Variants in MAN1C1 observed in about 807,000 individuals in gnomAD.
The protein encoded by MAN1C1 is mannosyl-oligosaccharide 1,2-alpha-mannosidase IC.
A neutral mutation model predicts 71.5 loss-of-function variants in MAN1C1; 49 were observed. That is an observed-to-expected ratio of 0.69 (90% CI 0.54 to 0.87). MAN1C1 has a LOEUF of 0.87. Ranked by LOEUF, MAN1C1 falls within the 40% of genes least tolerant of loss-of-function variation. MAN1C1 has a pLI of 0.00. For synonymous variants in MAN1C1, 352 were observed against 343.7 expected (o/e 1.02, Z -0.27); for missense variants, 743 against 835.0 (o/e 0.89, Z 1.36).
At chr1:25,643,471 G>C (rs185163299) in intron 1 of MAN1C1, among the ~76,000 whole-genome samples, 1,449 of 129,042 alleles carry the variant, frequency 0.011, 25 homozygotes, top group African/African-American at 0.04. Flanking sequence ...GGATTTCACT[G>C]TGTTGGCCAG....
intron 1 of MAN1C1, among the ~76,000 whole-genome samples, chr1:25,670,265 C>T (rs1489145576): frequency 6.6e-6 from 1 of 152,242 alleles, no homozygotes; most frequent in African/African-American, 2.4e-5. Flanking sequence ...AGTATCACCT[C>T]CCTGGGAAAC....
At chr1:25,696,034 A>C (rs890667751) in intron 2 of MAN1C1, among the ~76,000 whole-genome samples, 2 of 152,168 alleles carry the variant, frequency 1.3e-5, no homozygotes, top group African/African-American at 4.8e-5. Context: ...GAGAGGAGTG[A>C]GTCAGGGTGT....
At chr1:25,750,626 A>G (rs773794856) in intron 4 of MAN1C1, among the ~76,000 whole-genome samples, 4 of 152,118 alleles carry the variant, frequency 2.6e-5, no homozygotes, top group South Asian at 2.1e-4. Context: ...TATCTCTCCA[A>G]TTGCTCCAGG....
chr1:25,696,351 G>A (rs1172434732), intron 2 of MAN1C1, among the ~76,000 whole-genome samples: 2 of 151,268 alleles, frequency 1.3e-5, no homozygotes, highest in East Asian at 4.0e-4. Context: ...TGAGAGGGCC[G>A]GGACTACCTG....
At chr1:25,648,154 G>A (rs1285093482) in intron 1 of MAN1C1, among the ~76,000 whole-genome samples, 1 of 152,238 alleles carries the variant, frequency 6.6e-6, no homozygotes, top group Non-Finnish European at 1.5e-5. Context: ...GGGTTTAGCA[G>A]TGCTACCATC....
intron 1 of MAN1C1, among the ~76,000 whole-genome samples, chr1:25,649,793 A>G (rs2045666186): frequency 6.6e-6 from 1 of 152,042 alleles, no homozygotes; most frequent in East Asian, 1.9e-4. Context: ...GTGTGCCACC[A>G]TGCCTGGCTA....
At chr1:25,699,988 G>A (rs1264091745) in intron 2 of MAN1C1, among the ~76,000 whole-genome samples, 3 of 152,176 alleles carry the variant, frequency 2.0e-5, no homozygotes, top group Admixed American at 6.5e-5. Flanking sequence ...AGGAATTGTT[G>A]AAAAATTCTG....
At chr1:25,751,474 G>A (rs1299363209) in intron 4 of MAN1C1, among the ~76,000 whole-genome samples, 3 of 152,172 alleles carry the variant, frequency 2.0e-5, no homozygotes, top group Non-Finnish European at 4.4e-5. Flanking sequence ...CAGCTTTCCA[G>A]AACATAGACC....
At chr1:25,739,035 C>T (rs2047021299) in intron 2 of MAN1C1, among the ~76,000 whole-genome samples, 1 of 152,066 alleles carries the variant, frequency 6.6e-6, no homozygotes, top group African/African-American at 2.4e-5. Flanking sequence ...CATGGTGGTG[C>T]ACTCCTGTAG....
intron 4 of MAN1C1, among the ~76,000 whole-genome samples, chr1:25,751,203 T>G (rs115217004): frequency 0.025 from 3,804 of 149,256 alleles, 69 homozygotes; most frequent in Middle Eastern, 0.057. Flanking sequence ...TTCCTTCCAT[T>G]CGTCTTTCCT....
Position 25,783,770 on chromosome 1 carries a change from G to A in MAN1C1, c.1874G>A (p.Arg625Lys), listed in dbSNP as rs753320631. The A allele has an allele frequency of 6.2e-7, 1 of 1,611,852 alleles. No individual in the cohort carries two copies. Among genetic ancestry groups the A allele is most frequent in the Admixed American group, 1.7e-5 (1 of 60,036 alleles). ...GTGAACCACTCAGACAGCTCCGGCA[G>A]AGCCTGGGGCAGACACTGACCCCAT... ...LPVNHSDSSG[R>K]AWGRH Residue 625 changes from arginine (R) to lysine (K), a missense_variant, in exon 12 of 12, where the codon AGA becomes AAA. Arg to Lys is a conservative substitution (Grantham distance 26). Transcript: ENST00000374332.
At chr1:25,678,561 CT>C (rs1429998984) in intron 1 of MAN1C1, among the ~76,000 whole-genome samples, 2 of 152,178 alleles carry the variant, frequency 1.3e-5, no homozygotes, top group Non-Finnish European at 2.9e-5. Context: ...ATATTAATAA[CT>C]TTAAAAGTTT....
At chr1:25,766,256 G>T (rs984500680) in intron 7 of MAN1C1, among the ~76,000 whole-genome samples, 9 of 152,100 alleles carry the variant, frequency 5.9e-5, no homozygotes, top group Admixed American at 1.3e-4. Flanking sequence ...AGCAGAGGGG[G>T]TTATAATGCC....
intron 5 of MAN1C1, among the ~76,000 whole-genome samples, chr1:25,756,958 C>T (rs2047294156): frequency 6.6e-6 from 1 of 152,106 alleles, no homozygotes; most frequent in Non-Finnish European, 1.5e-5. Context: ...CCCCCACTGT[C>T]CCCTGCCCCA....
At chr1:25,678,044 A>G (rs2046094554) in intron 1 of MAN1C1, among the ~76,000 whole-genome samples, 1 of 152,026 alleles carries the variant, frequency 6.6e-6, no homozygotes, top group South Asian at 2.1e-4. Flanking sequence ...TTCAGAAAAT[A>G]TAGGTCAATA....
chr1:25,743,922 G>C (rs1375067780), intron 2 of MAN1C1, among the ~76,000 whole-genome samples: 1 of 152,226 alleles, frequency 6.6e-6, no homozygotes, highest in African/African-American at 2.4e-5. Flanking sequence ...TGTTTTCACA[G>C]AGAATTGAGC....
chr1:25,618,737 A>G (rs1485879637), intron 1 of MAN1C1, among the ~76,000 whole-genome samples: 1 of 152,110 alleles, frequency 6.6e-6, no homozygotes, highest in African/African-American at 2.4e-5. Context: ...ACACAGAGCC[A>G]CTGGTCCCAT....
chr1:25,686,527 A>G lies in MAN1C1; in HGVS notation c.628A>G (p.Asn210Asp). 6.2e-7 allele frequency: 1 copy of G among 1,614,086 alleles called. No individual in the cohort carries two copies. Among genetic ancestry groups the G allele is most frequent in the South Asian group, 1.1e-5 (1 of 91,076 alleles). ...RPLTKDGYEG[N>D]MFGGLSGATV... Reference sequence around the variant, plus strand: ...ACTAACAAAAGATGGCTACGAGGGTAACATGTTCGGTGAGTCGATTCAAAC... The same window carrying G: ...ACTAACAAAAGATGGCTACGAGGGTGACATGTTCGGTGAGTCGATTCAAAC... Residue 210 changes from asparagine to aspartate, a missense_variant, in exon 2 of 12, where the codon AAC (asparagine) becomes GAC (aspartate). Coordinates refer to ENST00000374332, the MANE Select transcript of MAN1C1 (RefSeq NM_020379.4).
Position 25,634,565 on chromosome 1 carries a change from A to G in MAN1C1, c.540+16228A>G, listed in dbSNP as rs1257283368. Among the ~76,000 whole-genome samples, 6 of 152,204 alleles carry G rather than the reference A, an allele frequency of 3.9e-5. No individual in the cohort carries two copies. Among genetic ancestry groups the G allele is most frequent in the Non-Finnish European group, 7.3e-5 (5 of 68,030 alleles). ...GGACACATGGTGGCTCACACCTGTA[A>G]TCCTAGCACTTTGAGAGGCTGAGGT... On this transcript the variant is annotated intron_variant, in intron 1 of 11. Transcript: ENST00000374332. This position sits in a 1 kb window ranked among gnomAD's most constrained non-coding sequence, Gnocchi z 4.6.
Sources: allele counts gnomAD v4.1 joint callset (sites outside exome capture counted in the v4.1 genomes callset), GRCh38; gene constraint gnomAD v4.1.1; non-coding constraint Gnocchi (gnomAD v3.1); transcripts MANE v1.5; gene names NCBI Gene and HGNC (gene_info 2026-07-23, HGNC 2026-07-21).